Variants in LARP4B observed in about 807,000 individuals in gnomAD.
LARP4B encodes la-related protein 4B.
A neutral mutation model predicts 89.8 loss-of-function variants in LARP4B; 12 were observed. The ratio of observed to expected loss-of-function variants is 0.13; its 90% CI spans 0.09 to 0.22. The LOEUF (loss-of-function observed/expected upper bound fraction) is 0.22, where lower values mean the gene tolerates loss of function less well. Ranked by LOEUF, LARP4B falls within the 10% of genes least tolerant of loss-of-function variation. The pLI is 1.00. For missense variants in LARP4B, 757 were observed against 947.7 expected (o/e 0.80, Z 2.64); for synonymous variants, 367 against 363.3 (o/e 1.01, Z -0.12).
At chr10:874,895 C>A (rs182772468) in intron 3 of LARP4B, among the ~76,000 whole-genome samples, 14 of 152,236 alleles carry the variant, frequency 9.2e-5, no homozygotes, top group African/African-American at 3.1e-4. Flanking sequence ...CTATGTTTCA[C>A]AAAATATTAA....
chr10:963,756 C>T, the LARP4B span, among the ~76,000 whole-genome samples: 3 of 152,142 alleles, frequency 2.0e-5, no homozygotes, highest in African/African-American at 4.8e-5. Context: ...AGTCCAAGAT[C>T]GAGGGTCCTT....
intron 1 of LARP4B, among the ~76,000 whole-genome samples, chr10:909,677 C>T (rs781155921): frequency 2.0e-5 from 3 of 151,870 alleles, no homozygotes; most frequent in South Asian, 4.2e-4. Context: ...CCCAGCTACT[C>T]GGGAGGCTGA....
intron 1 of LARP4B, among the ~76,000 whole-genome samples, chr10:896,988 A>AT (rs58205872): frequency 0.071 from 9,791 of 137,440 alleles, 380 homozygotes; most frequent in Middle Eastern, 0.1. Context: ...TTGTGGGAGA[A>AT]TTTTTTTTTT....
At chr10:880,407 C>T (rs1835621422) in intron 3 of LARP4B, among the ~76,000 whole-genome samples, 2 of 152,056 alleles carry the variant, frequency 1.3e-5, no homozygotes, top group African/African-American at 2.4e-5. Flanking sequence ...AAATTCTGGG[C>T]CGGGTGCAGT....
chr10:981,442 C>G, the LARP4B span, among the ~76,000 whole-genome samples: 1 of 152,198 alleles, frequency 6.6e-6, no homozygotes, highest in Non-Finnish European at 1.5e-5. Context: ...GGCCCCACCT[C>G]CAGCACTGGG....
At chr10:957,437 AT>A in the LARP4B span, among the ~76,000 whole-genome samples, 3 of 152,170 alleles carry the variant, frequency 2.0e-5, no homozygotes, top group Non-Finnish European at 4.4e-5. Flanking sequence ...AAGTGCTGGG[AT>A]TACAGGGGTA....
intron 5 of LARP4B, among the ~76,000 whole-genome samples, chr10:853,105 G>C (rs1418632150): frequency 6.6e-6 from 1 of 152,060 alleles, no homozygotes; most frequent in Non-Finnish European, 1.5e-5. Context: ...TAATTTGCAT[G>C]GAAATACACA....
intron 5 of LARP4B, among the ~76,000 whole-genome samples, chr10:846,755 T>C (rs1230575461): frequency 1.3e-5 from 2 of 152,074 alleles, no homozygotes; most frequent in African/African-American, 2.4e-5. Context: ...GACAGGGCAC[T>C]AGGGAGGACT....
At chr10:938,658 CAA>C in the LARP4B span, among the ~76,000 whole-genome samples, 424 of 152,212 alleles carry the variant, frequency 2.8e-3, 4 homozygotes, top group African/African-American at 9.9e-3. Context: ...AAGTTTCTCT[CAA>C]AAAGTTTAGT....
Position 822,381 on chromosome 10 carries a change from C to G in LARP4B, c.1485-1536G>C, listed in dbSNP as rs972846145. Among the ~76,000 whole-genome samples the G allele has an allele frequency of 9.2e-5, 14 of 152,208 alleles. No individual in the cohort carries two copies. The highest frequency in any genetic ancestry group is 6.5e-4 in the Admixed American group (10 of 15,284). ...CAGGGCATCCCTCCGCCAAGGGCAG[C>G]CTGCTCGTCACTACCGGCTGGGACG... On this transcript the variant is annotated intron_variant, in intron 13 of 17. Transcript: ENST00000316157. This position sits in a 1 kb window ranked among gnomAD's most constrained non-coding sequence, Gnocchi z 4.6.
chr10:974,678 C>T, the LARP4B span, among the ~76,000 whole-genome samples: 2 of 152,222 alleles, frequency 1.3e-5, no homozygotes, highest in African/African-American at 4.8e-5. Context: ...CGAGCTCCCT[C>T]GCCCATTAGG....
chr10:912,409 C>A (rs1453185685), intron 1 of LARP4B, among the ~76,000 whole-genome samples: 3 of 152,058 alleles, frequency 2.0e-5, no homozygotes, highest in African/African-American at 7.2e-5. Context: ...GAGGGTAGGA[C>A]AGGCTTGATC....
chr10:975,715 G>GA, the LARP4B span, among the ~76,000 whole-genome samples: 2 of 151,866 alleles, frequency 1.3e-5, no homozygotes, highest in Non-Finnish European at 2.9e-5. Context: ...GTAATGTGCA[G>GA]CCCGGCCTAG....
chr10:873,704 AAAAAAATAAATAGCAAT>A (rs1835337326), intron 3 of LARP4B, among the ~76,000 whole-genome samples: 2 of 152,214 alleles, frequency 1.3e-5, no homozygotes, highest in South Asian at 4.1e-4. Context: ...AAAGGAGAGC[AAAAAAATAAATAGCAAT>A]AAAAAATAGT....
intron 1 of LARP4B, among the ~76,000 whole-genome samples, chr10:907,455 T>C (rs1588979905): frequency 6.6e-6 from 1 of 152,374 alleles, no homozygotes; most frequent in African/African-American, 2.4e-5. Flanking sequence ...AGACTTTGTA[T>C]ATGCATACAT....
intron 3 of LARP4B, among the ~76,000 whole-genome samples, chr10:867,012 A>C (rs1390811058): frequency 2.6e-5 from 4 of 152,216 alleles, no homozygotes; most frequent in African/African-American, 9.6e-5. Flanking sequence ...TGAGGAATGA[A>C]TCAATGTTTA....
chr10:945,829 G>C, the LARP4B span, among the ~76,000 whole-genome samples: 1 of 152,220 alleles, frequency 6.6e-6, no homozygotes, highest in Non-Finnish European at 1.5e-5. Flanking sequence ...AGTTAAGTTC[G>C]TAAGGGTGGG....
At chr10:842,813 A>C (rs1361890709) in intron 7 of LARP4B, 119 bp downstream of exon 7, 1 of 884,016 alleles carries the variant, frequency 1.1e-6, no homozygotes, top group Non-Finnish European at 1.7e-6. Flanking sequence ...AAGGCCAGAA[A>C]AGAATCTGAT....
intron 3 of LARP4B, among the ~76,000 whole-genome samples, chr10:876,739 TG>T (rs71376871): frequency 0.99 from 150,835 of 152,254 alleles, 74,737 homozygotes; most frequent in Middle Eastern, 1. Context: ...AATGCCCTGG[TG>T]GGGGCTTCTC....
Sources: gnomAD v4.1 joint callset for allele counts (sites outside exome capture counted in the v4.1 genomes callset) on GRCh38, gnomAD v4.1.1 for gene constraint, Gnocchi (gnomAD v3.1) non-coding constraint, MANE v1.5 for transcripts, NCBI Gene and HGNC (gene_info 2026-07-23, HGNC 2026-07-21) for gene names.